The following CDH13 variants were observed in gnomAD, a reference collection of about 807,000 sequenced individuals.
CDH13 encodes cadherin 13, also known as cadherin-13.
A neutral mutation model predicts 63.8 loss-of-function variants in CDH13; 24 were observed. That is an observed-to-expected ratio of 0.38 (90% CI 0.27 to 0.53). The LOEUF (loss-of-function observed/expected upper bound fraction) is 0.53, where lower values mean the gene tolerates loss of function less well. CDH13 is among the 20% of genes least tolerant of loss of function. The probability of loss-of-function intolerance (pLI) is 0.85; values close to 1 mark genes in which losing one functional copy is unlikely to be tolerated. For synonymous variants in CDH13, 503 were observed against 355.3 expected, an observed-to-expected ratio of 1.42 and a Z score of -4.67; for missense variants, 1,049 against 903.1, an observed-to-expected ratio of 1.16 and a Z score of -2.07.
intron 1 of CDH13, among the ~76,000 whole-genome samples, chr16:82,685,798 C>G (rs1386941205): frequency 2.0e-5 from 3 of 152,180 alleles, no homozygotes; most frequent in African/African-American, 7.2e-5. Context: ...TTAACCAAGT[C>G]TAGAATGTTC....
chr16:83,457,021 A>C (rs2073041713), intron 6 of CDH13, among the ~76,000 whole-genome samples: 2 of 152,288 alleles, frequency 1.3e-5, no homozygotes, highest in South Asian at 4.1e-4. Flanking sequence ...ATGCCAGGTA[A>C]GCAAGAGGCA....
intron 8 of CDH13, among the ~76,000 whole-genome samples, chr16:83,666,458 C>G (rs1449512885): frequency 6.6e-6 from 1 of 151,930 alleles, no homozygotes; most frequent in Non-Finnish European, 1.5e-5. Context: ...TTTCTGTATT[C>G]TCTCAGGAGT....
At chr16:83,634,841 A>G (rs760674771) in intron 8 of CDH13, among the ~76,000 whole-genome samples, 9 of 152,358 alleles carry the variant, frequency 5.9e-5, no homozygotes, top group Non-Finnish European at 1.2e-4. Context: ...TCACCCACTG[A>G]AGGACATTTG....
intron 1 of CDH13, among the ~76,000 whole-genome samples, chr16:82,699,287 T>A (rs903114897): frequency 2.6e-5 from 4 of 152,192 alleles, no homozygotes; most frequent in Non-Finnish European, 5.9e-5. Flanking sequence ...CAAGGACAGC[T>A]GCTTGTGTCC....
intron 3 of CDH13, among the ~76,000 whole-genome samples, chr16:83,078,937 C>G (rs564492906): frequency 1.3e-5 from 2 of 151,956 alleles, no homozygotes; most frequent in Non-Finnish European, 2.9e-5. Context: ...TGGGATTACA[C>G]GTGTGCACCA....
chr16:83,061,636 G>A (rs9940757), intron 3 of CDH13, among the ~76,000 whole-genome samples: 95,328 of 152,136 alleles, frequency 0.63, 31,085 homozygotes, highest in East Asian at 0.85. Context: ...CTGTGACACT[G>A]AAGTGGCTCA....
intron 1 of CDH13, among the ~76,000 whole-genome samples, chr16:82,729,485 A>G (rs2033281842): frequency 6.6e-6 from 1 of 152,072 alleles, no homozygotes; most frequent in South Asian, 2.1e-4. Context: ...ATATTTTGGA[A>G]GGAATTTTTT....
chr16:83,580,448 TTCTCTCTCTCTCTCTCTCTCTCTCTCTC>T (rs55664829), intron 7 of CDH13, among the ~76,000 whole-genome samples: 15,206 of 76,496 alleles, frequency 0.2, 1,135 homozygotes, highest in Middle Eastern at 0.34. Flanking sequence ...TTCTGTTCAT[TTCTCTCTCTCTCTCTCTCTCTCTCTCTC>T]TCTCTCTCTC....
chr16:83,096,523 A>C (rs1194967836), intron 3 of CDH13, among the ~76,000 whole-genome samples: 1 of 152,214 alleles, frequency 6.6e-6, no homozygotes, highest in African/African-American at 2.4e-5. Flanking sequence ...CTATGACCAC[A>C]TCTCCTGAGT....
At chr16:82,900,117 C>T (rs569330773) in intron 2 of CDH13, among the ~76,000 whole-genome samples, 42 of 152,322 alleles carry the variant, frequency 2.8e-4, no homozygotes, top group African/African-American at 9.4e-4. Flanking sequence ...CCTTACCACC[C>T]AGTGTCCTTG....
chr16:83,343,085 T>A (rs1369885768), intron 5 of CDH13, among the ~76,000 whole-genome samples: 1 of 152,166 alleles, frequency 6.6e-6, no homozygotes. Flanking sequence ...TCATTTTTTC[T>A]TATTACATGC....
chr16:83,651,757 G>C (rs1218109451), intron 8 of CDH13, among the ~76,000 whole-genome samples: 1 of 136,488 alleles, frequency 7.3e-6, no homozygotes, highest in Non-Finnish European at 1.7e-5. Context: ...TACCATGCCT[G>C]GCTAATTTTT....
Position 82,628,127 on chromosome 16 carries a change from G to C in CDH13, c.45+990G>C, listed in dbSNP as rs547183062. On this transcript the variant is annotated intron_variant, in intron 1 of 13. Transcript: ENST00000567109. ...CAGGCCTGGGGTGCTGGCCGCTGCG[G>C]GGGGCACGCCCTGCGCTGCTCAGGG... Among the ~76,000 whole-genome samples the C allele has an allele frequency of 4.8e-4, 73 of 152,320 alleles. 1 individual carries two copies. Among genetic ancestry groups the C allele is most frequent in the Middle Eastern group, 3.4e-3 (1 of 292 alleles).
chr16:82,674,122 G>T (rs1913615928), intron 1 of CDH13, among the ~76,000 whole-genome samples: 1 of 152,110 alleles, frequency 6.6e-6, no homozygotes, highest in Non-Finnish European at 1.5e-5. Flanking sequence ...TTCTTGATAT[G>T]GATGGCAGAC....
At chr16:83,148,831 T>G (rs552294119) in intron 4 of CDH13, among the ~76,000 whole-genome samples, 15 of 152,252 alleles carry the variant, frequency 9.9e-5, no homozygotes, top group African/African-American at 3.1e-4. Context: ...CAAAAATATT[T>G]ACTCTTTTTT....
intron 1 of CDH13, among the ~76,000 whole-genome samples, chr16:82,808,826 G>C (rs1479209033): frequency 6.6e-6 from 1 of 152,042 alleles, no homozygotes; most frequent in African/African-American, 2.4e-5. Context: ...CATGTTCCTG[G>C]TGTGAGTCTG....
chr16:82,721,454 G>A (rs186961891), intron 1 of CDH13, among the ~76,000 whole-genome samples: 158 of 152,212 alleles, frequency 1.0e-3, no homozygotes, highest in African/African-American at 3.6e-3. Context: ...GGTAGAAGGT[G>A]CAGGATAGGT....
chr16:83,134,544 G>GGAGAGAGAGA lies in CDH13; in HGVS notation c.483+9083_483+9092dup, dbSNP rs67135267. On this transcript the variant is annotated intron_variant, in intron 4 of 13. Coordinates refer to ENST00000567109, the MANE Select transcript of CDH13 (RefSeq NM_001257.5). ...GATTTTATGTGGGGATGGGGTGGGG[G>GGAGAGAGAGA]GAGAGAGAGAGAGAGAGAGAGAGAG... 1.4e-3 allele frequency among the ~76,000 whole-genome samples: 118 copies of GGAGAGAGAGA among 84,324 alleles called. 2 individuals are homozygous for GGAGAGAGAGA. Among genetic ancestry groups the GGAGAGAGAGA allele is most frequent in the Middle Eastern group, 0.012 (1 of 82 alleles). 55.3% of individuals were successfully genotyped at this position (84,324 alleles called of 152,430 possible). A position where few individuals can be genotyped will look rare whatever the true frequency, so the allele number is the denominator to read the frequency against.
chr16:82,972,706 C>G (rs1908939839), intron 2 of CDH13, among the ~76,000 whole-genome samples: 1 of 152,154 alleles, frequency 6.6e-6, no homozygotes, highest in Non-Finnish European at 1.5e-5. Flanking sequence ...AGATTGGCAC[C>G]ATTCCATGAA....
Sources: gnomAD v4.1 joint callset for allele counts (sites outside exome capture counted in the v4.1 genomes callset) on GRCh38, gnomAD v4.1.1 for gene constraint, MANE v1.5 for transcripts, NCBI Gene and HGNC (gene_info 2026-07-23, HGNC 2026-07-21) for gene names.